The following HHIPL2 variants were observed in gnomAD, a reference collection of about 807,000 sequenced individuals.
HHIPL2 encodes HHIP-like protein 2.
A neutral mutation model predicts 61.0 loss-of-function variants in HHIPL2; 61 were observed. The ratio of observed to expected loss-of-function variants is 1.00; its 90% CI spans 0.81 to 1.24. The LOEUF (loss-of-function observed/expected upper bound fraction) is 1.24, where lower values mean the gene tolerates loss of function less well. Among genes scored for constraint, HHIPL2 ranks in the 50% most tolerant of loss-of-function variants. HHIPL2 has a pLI of 0.00. For synonymous variants in HHIPL2, 343 were observed against 357.4 expected (o/e 0.96, Z 0.45); for missense variants, 885 against 910.2 (o/e 0.97, Z 0.36).
At chr1:222,529,665 A>G (rs552725324) in intron 6 of HHIPL2, among the ~76,000 whole-genome samples, 1 of 152,244 alleles carries the variant, frequency 6.6e-6, no homozygotes, top group Non-Finnish European at 1.5e-5. Flanking sequence ...AATGCATGCT[A>G]TACAAATTTA....
rs752216867 is a variant in HHIPL2, at chr1:222,544,052, A to T, written c.459T>A (p.Asn153Lys). 6.2e-7 allele frequency: 1 copy of T among 1,614,194 alleles called. No individual in the cohort carries two copies. Among genetic ancestry groups the T allele is most frequent in the Non-Finnish European group, 8.5e-7 (1 of 1,180,040 alleles). The change falls in exon 2 of 9, where the codon AAT (asparagine) becomes AAA (lysine). Residue 153 changes from asparagine (N) to lysine (K), a missense_variant. Physicochemically the swap from Asn to Lys is moderately conservative, Grantham distance 94. Transcript: ENST00000343410. ...CATGAGACTCCTGGAGGCCGCGGTC[A>T]TTGGTCAGCAGGGAAATGGCTGAGT... is the stretch of plus-strand genomic sequence containing the variant. ...NCHSAISLLT[N>K]DRGLQESHGR...
Position 222,522,581 on chromosome 1 carries a change from C to A in HHIPL2, c.*20G>T. On this transcript the variant is annotated 3_prime_UTR_variant, in exon 9 of 9. Transcript: ENST00000343410. ...GCTCTCCTCTCTCACGTCACCCTGT[C>A]GGCCACCTTGACCAATAGGTCAAGG... 6.2e-7 allele frequency: 1 copy of A among 1,605,094 alleles called. No homozygotes were observed. The highest frequency in any genetic ancestry group is 1.1e-5 in the South Asian group (1 of 90,818).
chr1:222,540,998 G>T (rs1659420381), intron 3 of HHIPL2, among the ~76,000 whole-genome samples: 1 of 152,194 alleles, frequency 6.6e-6, no homozygotes, highest in Non-Finnish European at 1.5e-5. Context: ...CATTTTGGGA[G>T]GCTGAGGTGG....
Position 222,548,104 on chromosome 1 carries a change from C to A in HHIPL2, c.-60G>T. 2 of 1,195,716 alleles carry A rather than the reference C, an allele frequency of 1.7e-6. No homozygotes were observed. The highest frequency in any genetic ancestry group is 2.4e-5 in the East Asian group (1 of 40,934). The allele number at this position is 1,195,716 out of a possible 1,614,324, so 74.1% of individuals were successfully genotyped here. A position where few individuals can be genotyped will look rare whatever the true frequency, so the allele number is the denominator to read the frequency against. ...CTCAGGTTGGCTTCCCTGCTCTGCC[C>A]AAGGTCCTCCCTCTCTTCCTCCCCC... On this transcript the variant is annotated 5_prime_UTR_variant, in exon 1 of 9. Transcript: ENST00000343410.
intron 6 of HHIPL2, among the ~76,000 whole-genome samples, chr1:222,530,044 A>G (rs1487525): frequency 0.42 from 64,358 of 152,030 alleles, 14,379 homozygotes; most frequent in African/African-American, 0.58. Flanking sequence ...ATTTGCCTCA[A>G]GAACAGCCTC....
At chr1:222,534,669 T>TACACACACACACACACACACAC (rs10650864) in intron 5 of HHIPL2, among the ~76,000 whole-genome samples, 1 of 148,194 alleles carries the variant, frequency 6.7e-6, no homozygotes, top group African/African-American at 2.5e-5. Flanking sequence ...ACATTGAGAT[T>TACACACACACACACACACACAC]ACACACACAC....
chr1:222,541,379 G>T (rs1029534344), intron 3 of HHIPL2, among the ~76,000 whole-genome samples: 22 of 152,062 alleles, frequency 1.4e-4, no homozygotes, highest in African/African-American at 5.1e-4. Context: ...CTCATTGTAC[G>T]ACCTCTGTGT....
intron 2 of HHIPL2, among the ~76,000 whole-genome samples, chr1:222,542,909 T>C (rs759264812): frequency 6.6e-5 from 10 of 152,166 alleles, no homozygotes; most frequent in Non-Finnish European, 1.2e-4. Flanking sequence ...CCTTACTCTC[T>C]GCCCTACCAG....
intron 5 of HHIPL2, among the ~76,000 whole-genome samples, chr1:222,538,421 G>A (rs1015979843): frequency 6.7e-6 from 1 of 148,362 alleles, no homozygotes; most frequent in South Asian, 2.1e-4. Context: ...ATGAGAGAGA[G>A]ACAGAGAGAG....
chr1:222,526,371 G>A (rs995724740), intron 7 of HHIPL2, among the ~76,000 whole-genome samples: 1 of 150,578 alleles, frequency 6.6e-6, no homozygotes. Context: ...TACACCTGTT[G>A]TTAGATGACC....
chr1:222,534,403 C>A (rs1045194219), intron 5 of HHIPL2, among the ~76,000 whole-genome samples: 1 of 151,814 alleles, frequency 6.6e-6, no homozygotes, highest in African/African-American at 2.4e-5. Context: ...GATTCTAAAC[C>A]CCGTCTCTAC....
chr1:222,547,279 C>T (rs1014106450), intron 1 of HHIPL2, among the ~76,000 whole-genome samples: 2 of 152,152 alleles, frequency 1.3e-5, no homozygotes, highest in Non-Finnish European at 2.9e-5. Flanking sequence ...TGCCCTGGCA[C>T]AAATCACCCA....
chr1:222,534,118 G>T (rs954222635), intron 5 of HHIPL2, among the ~76,000 whole-genome samples: 1 of 152,208 alleles, frequency 6.6e-6, no homozygotes, highest in African/African-American at 2.4e-5. Context: ...CCTTGGATCT[G>T]TTTAGCAAAT....
chr1:222,541,266 G>A (rs1168965086), intron 3 of HHIPL2, among the ~76,000 whole-genome samples: 1 of 152,078 alleles, frequency 6.6e-6, no homozygotes, highest in Non-Finnish European at 1.5e-5. Flanking sequence ...GTGCTTACTG[G>A]GTGCAAAGGG....
At position 222,522,532 on chromosome 1, in the gene HHIPL2, C is replaced by A; in HGVS notation, c.*69G>T. ...CCAGACTTCTAAGGTCTTTATTCAG[C>A]AGTGACTTTCATTTGATGAGGTGGC... On this transcript the variant is annotated 3_prime_UTR_variant, in exon 9 of 9. Transcript: ENST00000343410. 1.3e-6 allele frequency: 2 copies of A among 1,522,430 alleles called. No individual in the cohort carries two copies. The highest frequency in any genetic ancestry group is 1.8e-6 in the Non-Finnish European group (2 of 1,121,988). The allele number at this position is 1,522,430 out of a possible 1,614,324, so 94.3% of individuals were successfully genotyped here.
chr1:222,527,970 A>T (rs897240632), intron 6 of HHIPL2, among the ~76,000 whole-genome samples: 1 of 152,150 alleles, frequency 6.6e-6, no homozygotes, highest in Non-Finnish European at 1.5e-5. Flanking sequence ...TCTCAGTCTC[A>T]GGTATGTCTT....
Position 222,547,763 on chromosome 1 carries a change from A to T in HHIPL2, c.282T>A (p.His94Gln). Residue 94 changes from histidine to glutamine, a missense_variant, in exon 1 of 9, where the codon CAT becomes CAA. Physicochemically the swap from His to Gln is conservative, Grantham distance 24. Coordinates refer to ENST00000343410, the MANE Select transcript of HHIPL2 (RefSeq NM_024746.4). ...CTTTAATGTAATCTCCACACAGCTCATGTCTCTTCAGATCAAAATATTCCA... is the reference window on the plus strand; with the variant it reads ...CTTTAATGTAATCTCCACACAGCTCTTGTCTCTTCAGATCAAAATATTCCA... ...DIMEYFDLKR[H>Q]ELCGDYIKDI... 6.2e-7 allele frequency: 1 copy of T among 1,613,230 alleles called. No homozygotes were observed. The highest frequency in any genetic ancestry group is 8.5e-7 in the Non-Finnish European group (1 of 1,179,166).
chr1:222,530,095 C>T (rs1419577015), intron 6 of HHIPL2, among the ~76,000 whole-genome samples: 1 of 152,094 alleles, frequency 6.6e-6, no homozygotes, highest in Admixed American at 6.5e-5. Context: ...CTTGGGAACA[C>T]GTTGGCAAGT....
At chr1:222,541,553 T>A (rs1235316087) in intron 3 of HHIPL2, among the ~76,000 whole-genome samples, 1 of 152,204 alleles carries the variant, frequency 6.6e-6, no homozygotes, top group East Asian at 1.9e-4. Context: ...TTCTTGCCCT[T>A]GAAGGTTGCT....
Sources: gnomAD v4.1 joint callset for allele counts (sites outside exome capture counted in the v4.1 genomes callset) on GRCh38, gnomAD v4.1.1 for gene constraint, MANE v1.5 for transcripts, NCBI Gene and HGNC (gene_info 2026-07-23, HGNC 2026-07-21) for gene names.